JPT2: variants seen among roughly 807,000 people sequenced by gnomAD.
JPT2 encodes CRAMP_1 like.
JPT2 carries 9 observed loss-of-function variants against 15.9 expected under a neutral mutation model. That is an observed-to-expected ratio of 0.57 (90% CI 0.34 to 0.99). The LOEUF is 0.99. JPT2 is among the 50% of genes least tolerant of loss of function. The probability of loss-of-function intolerance (pLI) is 0.02; values close to 1 mark genes in which losing one functional copy is unlikely to be tolerated. For synonymous variants in JPT2, 95 were observed against 91.7 expected, an observed-to-expected ratio of 1.04 and a Z score of -0.21; for missense variants, 267 against 252.1, an observed-to-expected ratio of 1.06 and a Z score of -0.40.
At chr16:1,678,799 T>C (rs28672895) in intron 1 of JPT2, among the ~76,000 whole-genome samples, 66 of 149,312 alleles carry the variant, frequency 4.4e-4, no homozygotes, top group African/African-American at 1.6e-3. Flanking sequence ...TGTGCGGCGA[T>C]GTGTTCGTGG....
intron 1 of JPT2, chr16:1,683,478 CT>C (rs113851179): frequency 8.9e-5 from 126 of 1,411,958 alleles, no homozygotes; most frequent in Admixed American, 1.1e-4. Context: ...GTGCACCTGT[CT>C]TTTTTTTTCT....
In JPT2 at chr16:1,685,441, C is replaced by T. The variant is rs2037057113; in HGVS notation, c.47C>T (p.Ala16Val). The part of the protein sequence containing the change: ...DSEGGRAGSR[A>V]MKPPGGESSN... ...TGGCATGTACTCTGTGCTTGTAGGG[C>T]CATGAAGCCCCCAGGAGGAGAATCG... The change falls in exon 2 of 5, where the codon GCC becomes GTC. Residue 16 changes from alanine (A) to valine (V), a missense_variant and splice_region_variant. By Grantham distance (64) the Ala-to-Val change is moderately conservative. Transcript: ENST00000248098. The T allele has an allele frequency of 6.2e-7, 1 of 1,614,058 alleles. No individual in the cohort carries two copies.
At chr16:1,688,190 C>T (rs910477430) in intron 2 of JPT2, among the ~76,000 whole-genome samples, 1 of 152,226 alleles carries the variant, frequency 6.6e-6, no homozygotes, top group Admixed American at 6.5e-5. Context: ...TTGTTTTGCT[C>T]CTTTCACAGA....
intron 3 of JPT2, 113 bp downstream of exon 3, chr16:1,692,098 G>T (rs755322375): frequency 3.0e-6 from 4 of 1,342,934 alleles, no homozygotes; most frequent in Non-Finnish European, 4.1e-6. Context: ...GGTGGGTGCC[G>T]TAGATTATCC....
rs2037155478 is a variant in JPT2 at position 1,698,105 on chromosome 16, C to T, written c.385+245C>T. On this transcript the variant is annotated intron_variant, in intron 4 of 4. Coordinates refer to ENST00000248098, the MANE Select transcript of JPT2 (RefSeq NM_144570.3). The surrounding 1 kb of genome is among the most constrained non-coding windows in gnomAD (Gnocchi z 4.9). ...GGGCCATGGGGTCGTCTCCTAGAAG[C>T]TCATCTGTGTAGTGATGGGCAGGGA... 6.6e-6 allele frequency among the ~76,000 whole-genome samples: 1 copy of T among 152,234 alleles called. No homozygotes were observed. Among genetic ancestry groups the T allele is most frequent in the South Asian group, 2.1e-4 (1 of 4,834 alleles).
intron 2 of JPT2, chr16:1,689,743 G>A (rs1596507554): frequency 6.6e-6 from 1 of 152,234 alleles, no homozygotes; most frequent in East Asian, 1.9e-4. Context: ...CACTTGGACT[G>A]TTTGTTACCT....
chr16:1,698,728 A>G lies in JPT2; in HGVS notation c.386-83A>G. 7.2e-7 allele frequency: 1 copy of G among 1,392,970 alleles called. No individual in the cohort carries two copies. The highest frequency in any genetic ancestry group is 9.7e-7 in the Non-Finnish European group (1 of 1,033,744). The allele number at this position is 1,392,970 out of a possible 1,614,324, so 86.3% of individuals were successfully genotyped here. On this transcript the variant is annotated intron_variant, in intron 4 of 4. Transcript: ENST00000248098. This position sits in a 1 kb window ranked among gnomAD's most constrained non-coding sequence, Gnocchi z 4.9. ...TGAATTTCTTGCAGGTTGCTCTATG[A>G]CACACTTTTTATTTCCACAGCCTGC...
rs145081225 is a variant in JPT2 at position 1,687,359 on chromosome 16, T to G, written c.193+1772T>G. 3.2e-3 allele frequency among the ~76,000 whole-genome samples: 484 copies of G among 152,312 alleles called. 2 individuals are homozygous for G. Among genetic ancestry groups the G allele is most frequent in the Middle Eastern group, 0.017 (5 of 294 alleles). Reference sequence around the variant, plus strand: ...TTTGGTTGTTAGAGAAATGAGTGTTTCTTATTAAGTGACTAACATTCTCGT... The same window carrying G: ...TTTGGTTGTTAGAGAAATGAGTGTTGCTTATTAAGTGACTAACATTCTCGT... On this transcript the variant is annotated intron_variant, in intron 2 of 4. Transcript: ENST00000248098.
chr16:1,685,489 A>G lies in JPT2; in HGVS notation c.95A>G (p.Glu32Gly). 1 of 1,614,172 alleles carries G rather than the reference A, an allele frequency of 6.2e-7. No individual in the cohort carries two copies. The highest frequency in any genetic ancestry group is 8.5e-7 in the Non-Finnish European group (1 of 1,180,022). ...TCGAGCAATCTTTTTGGAAGTCCAG[A>G]AGAAGCTACTCCTTCCAGCAGGCCT... Reference protein sequence around the residue: ...GESSNLFGSPEEATPSSRPNR... With the variant: ...GESSNLFGSPGEATPSSRPNR... The change falls in exon 2 of 5, where the codon GAA becomes GGA. Residue 32 changes from glutamate to glycine, a missense_variant. By Grantham distance (98) the Glu-to-Gly change is moderately conservative. Transcript: ENST00000248098.
chr16:1,678,554 T>G (rs994047485), intron 1 of JPT2, among the ~76,000 whole-genome samples, 198 bp downstream of exon 1: 12 of 152,014 alleles, frequency 7.9e-5, no homozygotes, highest in Non-Finnish European at 1.6e-4. Context: ...GGCCGCTCGC[T>G]GAGGCCCGGG....
intron 1 of JPT2, chr16:1,680,456 T>G: frequency 3.2e-6 from 4 of 1,238,244 alleles, no homozygotes; most frequent in Non-Finnish European, 4.2e-6. Flanking sequence ...CTCTTCCTTT[T>G]AGGATGGTGA....
intron 2 of JPT2, among the ~76,000 whole-genome samples, chr16:1,690,745 T>C (rs1388889822): frequency 6.6e-6 from 1 of 152,234 alleles, no homozygotes; most frequent in Non-Finnish European, 1.5e-5. Context: ...ATGAAAACAC[T>C]GCATGCTATA....
intron 1 of JPT2, among the ~76,000 whole-genome samples, chr16:1,679,487 A>G (rs1045263817): frequency 6.6e-5 from 10 of 152,088 alleles, no homozygotes; most frequent in Admixed American, 5.9e-4. Flanking sequence ...CGTGAGGTCA[A>G]GAGTTCGAGA....
At chr16:1,690,903 T>G (rs988502203) in intron 2 of JPT2, among the ~76,000 whole-genome samples, 1 of 152,254 alleles carries the variant, frequency 6.6e-6, no homozygotes, top group Admixed American at 6.5e-5. Context: ...TCACTGAGCT[T>G]TCTTCCAGTC....
At chr16:1,687,528 C>G (rs918218187) in intron 2 of JPT2, among the ~76,000 whole-genome samples, 1 of 152,182 alleles carries the variant, frequency 6.6e-6, no homozygotes, top group Non-Finnish European at 1.5e-5. Flanking sequence ...CCCTACTCAG[C>G]AGAGTCATGT....
chr16:1,683,602 C>A lies in JPT2; in HGVS notation c.45-1837C>A, dbSNP rs1425215103. ...GGGCACCACTTCAGAGGTCGGCCAG[C>A]ACACGCTTGGTTTCTGGGGTACAGT... On this transcript the variant is annotated intron_variant, in intron 1 of 4. Transcript: ENST00000248098. The A allele has an allele frequency of 7.8e-6, 12 of 1,533,946 alleles. No homozygotes were observed. The East Asian group carries it at 2.9e-4, about 38-fold the overall frequency.
At position 1,700,771 on chromosome 16, in the gene JPT2, A is replaced by G. The variant is rs879760154; in HGVS notation, c.*1773A>G. On this transcript the variant is annotated 3_prime_UTR_variant, in exon 5 of 5. Coordinates refer to ENST00000248098, the MANE Select transcript of JPT2 (RefSeq NM_144570.3). ...ATTTATAACTTCTGTTTTTTTATTG[A>G]GAAAATGATTCACGAATTCCAAATC... 3.3e-5 allele frequency: 5 copies of G among 152,474 alleles called. No individual in the cohort carries two copies. Among genetic ancestry groups the G allele is most frequent in the Non-Finnish European group, 7.3e-5 (5 of 68,222 alleles). 9.4% of individuals were successfully genotyped at this position (152,474 alleles called of 1,614,324 possible).
intron 1 of JPT2, chr16:1,683,715 T>C (rs900703120): frequency 1.4e-6 from 1 of 691,458 alleles, no homozygotes; most frequent in Non-Finnish European, 2.5e-6. Flanking sequence ...TCCATTCACA[T>C]CCAGTCACAA....
At chr16:1,685,380 G>GCA in intron 1 of JPT2, 59 bp from the exon 2 acceptor site, 1 of 1,580,114 alleles carries the variant, frequency 6.3e-7, no homozygotes, top group Non-Finnish European at 8.6e-7. Flanking sequence ...CAAAATCCTT[G>GCA]CACAGTGACA....
Sources: gnomAD v4.1 joint callset for allele counts (sites outside exome capture counted in the v4.1 genomes callset) on GRCh38, gnomAD v4.1.1 for gene constraint, Gnocchi (gnomAD v3.1) non-coding constraint, MANE v1.5 for transcripts, NCBI Gene and HGNC (gene_info 2026-07-23, HGNC 2026-07-21) for gene names.